The following SDK1 variants were observed in gnomAD, a reference collection of about 807,000 sequenced individuals.
SDK1 encodes sidekick cell adhesion molecule 1.
SDK1 carries 157 observed loss-of-function variants against 245.5 expected under a neutral mutation model. That is an observed-to-expected ratio of 0.64 (90% CI 0.56 to 0.73). SDK1 has a LOEUF of 0.73. Among genes scored for constraint, SDK1 ranks in the 30% least tolerant of loss-of-function variants. SDK1 has a pLI of 0.00. For synonymous variants in SDK1, 1,647 were observed against 1,278.5 expected (o/e 1.29, Z -6.15); for missense variants, 3,583 against 3,002.3 (o/e 1.19, Z -4.52).
At chr7:3,967,784 AG>A (rs927113544) in intron 10 of SDK1, among the ~76,000 whole-genome samples, 2 of 152,118 alleles carry the variant, frequency 1.3e-5, no homozygotes, top group African/African-American at 4.8e-5. Context: ...AGCTGACAGG[AG>A]GGGGAGCTCA....
At chr7:3,881,070 T>G (rs1400395005) in intron 5 of SDK1, among the ~76,000 whole-genome samples, 1 of 150,894 alleles carries the variant, frequency 6.6e-6, no homozygotes, top group Admixed American at 6.6e-5. Context: ...CAAACATTCT[T>G]TTTTTTTTAA....
intron 32 of SDK1, among the ~76,000 whole-genome samples, chr7:4,170,811 G>C (rs1239504480): frequency 6.6e-6 from 1 of 152,176 alleles, no homozygotes; most frequent in Non-Finnish European, 1.5e-5. Context: ...GTGCAGAGCA[G>C]GACTGGCGGC....
chr7:3,723,992 T>G (rs1231141576), intron 4 of SDK1, among the ~76,000 whole-genome samples: 1 of 128,388 alleles, frequency 7.8e-6, no homozygotes, highest in Non-Finnish European at 1.7e-5. Flanking sequence ...AGAGAGAGAG[T>G]CTCACCTGTT....
intron 40 of SDK1, among the ~76,000 whole-genome samples, chr7:4,227,791 G>C (rs776396611): frequency 6.6e-6 from 1 of 152,182 alleles, no homozygotes; most frequent in South Asian, 2.1e-4. Flanking sequence ...GACGTGCTGC[G>C]CTGGGCTCCA....
chr7:4,248,013 C>T (rs1291928000), intron 44 of SDK1, among the ~76,000 whole-genome samples: 1 of 152,184 alleles, frequency 6.6e-6, no homozygotes. Flanking sequence ...GCATTTTCAA[C>T]ATGGGCTAAT....
intron 40 of SDK1, among the ~76,000 whole-genome samples, chr7:4,230,640 G>A (rs950614538): frequency 6.6e-6 from 1 of 151,870 alleles, no homozygotes; most frequent in Non-Finnish European, 1.5e-5. Flanking sequence ...ATGGACAGAA[G>A]GATGGATGGA....
intron 1 of SDK1, among the ~76,000 whole-genome samples, chr7:3,391,751 C>T (rs760013807): frequency 5.3e-5 from 8 of 149,644 alleles, no homozygotes; most frequent in Non-Finnish European, 7.4e-5. Context: ...ATCCTCCTGT[C>T]TCAGCCTCCC....
At chr7:3,871,934 A>C (rs962264180) in intron 5 of SDK1, among the ~76,000 whole-genome samples, 2 of 152,294 alleles carry the variant, frequency 1.3e-5, no homozygotes, top group East Asian at 3.9e-4. Flanking sequence ...GATGTTAGCT[A>C]TATGTATTTT....
At chr7:3,975,694 G>T (rs138818286) in intron 13 of SDK1, among the ~76,000 whole-genome samples, 1 of 152,250 alleles carries the variant, frequency 6.6e-6, no homozygotes. Context: ...ATGTGTAGCA[G>T]TCAGTCCGGA....
intron 1 of SDK1, among the ~76,000 whole-genome samples, chr7:3,343,855 A>G (rs1263530068): frequency 1.3e-5 from 2 of 152,178 alleles, no homozygotes; most frequent in East Asian, 1.9e-4. Flanking sequence ...AAGATACCAT[A>G]CAAACAAAAA....
At chr7:3,806,674 C>T (rs952201937) in intron 4 of SDK1, among the ~76,000 whole-genome samples, 32 of 152,074 alleles carry the variant, frequency 2.1e-4, no homozygotes, top group African/African-American at 7.2e-4. Context: ...AGAACAAATA[C>T]ATCACAACCT....
At chr7:3,563,466 G>T (rs2128626887) in intron 1 of SDK1, among the ~76,000 whole-genome samples, 1 of 152,244 alleles carries the variant, frequency 6.6e-6, no homozygotes, top group African/African-American at 2.4e-5. Context: ...TATTATTAAA[G>T]ATGAAGAGGA....
chr7:3,945,866 T>TCCAGC (rs1158184597), intron 5 of SDK1, among the ~76,000 whole-genome samples: 1 of 110,248 alleles, frequency 9.1e-6, no homozygotes, highest in African/African-American at 3.5e-5. Flanking sequence ...GCCACTGCAC[T>TCCAGC]CCAGCCTGGG....
chr7:4,190,627 C>T (rs1196845919), intron 35 of SDK1, among the ~76,000 whole-genome samples: 1 of 152,252 alleles, frequency 6.6e-6, no homozygotes, highest in African/African-American at 2.4e-5. Context: ...TTCTCCAATG[C>T]GCTGCACCCG....
Position 3,727,878 on chromosome 7 carries a change from A to G in SDK1, c.713+85773A>G, listed in dbSNP as rs143276688. ...TTCAGATTTTCCTAGTTTTTGCTCA[A>G]TGCCTCCTTTCTGTTCCAGGATCCC... On this transcript the variant is annotated intron_variant, in intron 4 of 44. Coordinates refer to ENST00000404826, the MANE Select transcript of SDK1 (RefSeq NM_152744.4). Among the ~76,000 whole-genome samples, 62 of 152,240 alleles carry G rather than the reference A, an allele frequency of 4.1e-4. 1 individual carries two copies. Among genetic ancestry groups the G allele is most frequent in the East Asian group, 1.4e-3 (7 of 5,180 alleles).
At chr7:3,898,168 T>C (rs761514669) in intron 5 of SDK1, among the ~76,000 whole-genome samples, 2 of 152,206 alleles carry the variant, frequency 1.3e-5, no homozygotes, top group Non-Finnish European at 2.9e-5. Flanking sequence ...GAAGTGCAGA[T>C]ACGGTGCTTT....
chr7:3,563,859 A>C (rs1779824325), intron 1 of SDK1, among the ~76,000 whole-genome samples: 1 of 152,192 alleles, frequency 6.6e-6, no homozygotes, highest in Non-Finnish European at 1.5e-5. Flanking sequence ...CACTCAGTAT[A>C]ATGCAATAAA....
chr7:3,990,420 T>C (rs972813578), intron 14 of SDK1, among the ~76,000 whole-genome samples: 2 of 152,202 alleles, frequency 1.3e-5, no homozygotes, highest in African/African-American at 2.4e-5. Flanking sequence ...CATCTTAGCT[T>C]CCATTCAACG....
At chr7:3,573,053 C>A (rs1780168139) in intron 1 of SDK1, among the ~76,000 whole-genome samples, 1 of 152,078 alleles carries the variant, frequency 6.6e-6, no homozygotes, top group Admixed American at 6.5e-5. Context: ...AGCCCAGGCA[C>A]AGCCAAGTGG....
Sources: allele counts gnomAD v4.1 joint callset (sites outside exome capture counted in the v4.1 genomes callset), GRCh38; gene constraint gnomAD v4.1.1; transcripts MANE v1.5; gene names NCBI Gene and HGNC (gene_info 2026-07-23, HGNC 2026-07-21).